Variants in MAP3K9 observed in about 807,000 individuals in gnomAD.
MAP3K9 encodes the protein mitogen-activated protein kinase kinase kinase 9, also known as mixed lineage kinase 1 (tyr and ser/thr specificity).
MAP3K9 carries 46 observed loss-of-function variants against 95.8 expected under a neutral mutation model. The ratio of observed to expected loss-of-function variants is 0.48; its 90% CI spans 0.38 to 0.61. The LOEUF is 0.61. MAP3K9 is among the 20% of genes least tolerant of loss of function. MAP3K9 has a pLI of 0.00. For synonymous variants in MAP3K9, 533 were observed against 593.8 expected (o/e 0.90, Z 1.49); for missense variants, 1,296 against 1,474.3 (o/e 0.88, Z 1.98).
At chr14:70,759,289 A>G (rs911931301) in intron 3 of MAP3K9, among the ~76,000 whole-genome samples, 6 of 152,110 alleles carry the variant, frequency 3.9e-5, no homozygotes, top group African/African-American at 1.4e-4. Context: ...TACTAAAAAT[A>G]TAAAAATTAG....
chr14:70,762,149 T>C (rs1424803465), intron 2 of MAP3K9, among the ~76,000 whole-genome samples: 1 of 152,230 alleles, frequency 6.6e-6, no homozygotes, highest in African/African-American at 2.4e-5. Context: ...TTTTGTCCAC[T>C]GATAGACACA....
In MAP3K9 at chr14:70,730,783, G is replaced by T. The variant is rs913263535; in HGVS notation, c.2912C>A (p.Thr971Asn). The T allele has an allele frequency of 3.7e-6, 6 of 1,613,714 alleles. No homozygotes were observed. The highest frequency in any genetic ancestry group is 1.1e-5 in the South Asian group (1 of 91,062). ...LPDPNVVFPP[T>N]PRRWNTQQDS... ...CTGCTGAGTGTTCCAGCGCCTTGGG[G>T]TTGGGGGGAAGACCACATTGGGGTC... Residue 971 changes from threonine to asparagine, a missense_variant, in exon 12 of 12, where the codon ACC (threonine) becomes AAC (asparagine). Coordinates refer to ENST00000554752, the MANE Select transcript of MAP3K9 (RefSeq NM_001284230.2).
chr14:70,787,113 AT>A (rs1187942627), intron 2 of MAP3K9, among the ~76,000 whole-genome samples: 1 of 151,024 alleles, frequency 6.6e-6, no homozygotes, highest in African/African-American at 2.4e-5. Context: ...TAGCATAACT[AT>A]TTTTTTTTCC....
intron 2 of MAP3K9, among the ~76,000 whole-genome samples, chr14:70,779,908 ATG>A (rs766823861): frequency 3.3e-5 from 5 of 152,236 alleles, no homozygotes; most frequent in Non-Finnish European, 7.4e-5. Flanking sequence ...AACTCAGGGA[ATG>A]GCACAACCTA....
intron 2 of MAP3K9, among the ~76,000 whole-genome samples, chr14:70,792,216 C>G (rs992553026): frequency 6.6e-6 from 1 of 152,230 alleles, no homozygotes; most frequent in African/African-American, 2.4e-5. Context: ...TCTGGCATAG[C>G]CTCCTGCAAC....
At chr14:70,791,671 C>G (rs1426928573) in intron 2 of MAP3K9, among the ~76,000 whole-genome samples, 1 of 152,234 alleles carries the variant, frequency 6.6e-6, no homozygotes, top group Non-Finnish European at 1.5e-5. Flanking sequence ...TCTTGCCTCT[C>G]TCAGATCACG....
chr14:70,805,659 C>T (rs1423622674), intron 1 of MAP3K9, among the ~76,000 whole-genome samples: 1 of 152,178 alleles, frequency 6.6e-6, no homozygotes, highest in African/African-American at 2.4e-5. Context: ...TGGCTTATGC[C>T]TATAATCCCA....
chr14:70,722,928 G>C lies in MAP3K9; in HGVS notation c.*7452C>G, dbSNP rs1303074208. On this transcript the variant is annotated 3_prime_UTR_variant, in exon 12 of 12. Coordinates refer to ENST00000554752, the MANE Select transcript of MAP3K9 (RefSeq NM_001284230.2). ...CTTCACCTAGACTTAAAAGCCCTAA[G>C]GGGGAGGAAAAATCCCAAAGAAAGC... The C allele has an allele frequency of 6.6e-6, 1 of 152,176 alleles. No individual in the cohort carries two copies. The highest frequency in any genetic ancestry group is 2.1e-4 in the South Asian group (1 of 4,826). The allele number at this position is 152,176 out of a possible 1,614,324, so 9.4% of individuals were successfully genotyped here.
rs749614315 is a variant in MAP3K9, at chr14:70,730,418, G to C, written c.3277C>G (p.Pro1093Ala). 76 of 1,613,950 alleles carry C rather than the reference G, an allele frequency of 4.7e-5. No individual in the cohort carries two copies. The highest frequency in any genetic ancestry group is 1.9e-4 in the South Asian group (17 of 91,078). Reference sequence around the variant, plus strand: ...TCCTGCTGGATCTCATAAGGGGCAGGCCTGTGTGTGTTCAGTTCCGCTCTG... The same window carrying C: ...TCCTGCTGGATCTCATAAGGGGCAGCCCTGTGTGTGTTCAGTTCCGCTCTG... Reference protein sequence around the residue: ...LCRAELNTHRPAPYEIQQEFW... With the variant: ...LCRAELNTHRAAPYEIQQEFW... Residue 1093 changes from proline (P) to alanine (A), a missense_variant, in exon 12 of 12, where the codon CCT becomes GCT. Transcript: ENST00000554752.
intron 2 of MAP3K9, among the ~76,000 whole-genome samples, chr14:70,784,849 G>C (rs1429582841): frequency 1.3e-5 from 2 of 152,168 alleles, no homozygotes; most frequent in South Asian, 4.1e-4. Flanking sequence ...ATCAGGTCTG[G>C]AGGTACCAGA....
intron 3 of MAP3K9, among the ~76,000 whole-genome samples, chr14:70,751,857 A>C (rs1394093096): frequency 6.6e-6 from 1 of 152,222 alleles, no homozygotes. Context: ...TTTGCACACA[A>C]GGAAAGCAAG....
rs1025014299 is a variant in MAP3K9, at chr14:70,722,566, G to A, written c.*7814C>T. 3 of 152,090 alleles carry A rather than the reference G, an allele frequency of 2.0e-5. No homozygotes were observed. The highest frequency in any genetic ancestry group is 7.2e-5 in the African/African-American group (3 of 41,404). The allele number at this position is 152,090 out of a possible 1,614,324, so 9.4% of individuals were successfully genotyped here. A position where few individuals can be genotyped will look rare whatever the true frequency, so the allele number is the denominator to read the frequency against. ...TTTTATTCAAGTCTCTGTGTGCTCT[G>A]GCATTGAGACCAGGCTGAGATCAGC... On this transcript the variant is annotated 3_prime_UTR_variant, in exon 12 of 12. Coordinates refer to ENST00000554752, the MANE Select transcript of MAP3K9 (RefSeq NM_001284230.2).
At chr14:70,789,127 G>A (rs2054779502) in intron 2 of MAP3K9, among the ~76,000 whole-genome samples, 1 of 152,236 alleles carries the variant, frequency 6.6e-6, no homozygotes, top group African/African-American at 2.4e-5. Context: ...GGACGAGGCT[G>A]CATTTTTCAG....
At chr14:70,780,814 T>G (rs2054665386) in intron 2 of MAP3K9, among the ~76,000 whole-genome samples, 1 of 152,336 alleles carries the variant, frequency 6.6e-6, no homozygotes, top group South Asian at 2.1e-4. Context: ...GTCATACCTC[T>G]GAAGTACCCA....
chr14:70,788,126 G>A (rs912164451), intron 2 of MAP3K9, among the ~76,000 whole-genome samples: 1 of 152,116 alleles, frequency 6.6e-6, no homozygotes, highest in Non-Finnish European at 1.5e-5. Context: ...TCTTTTTCTG[G>A]AGACAGACTT....
In MAP3K9 at chr14:70,732,935, A is replaced by T. The variant is rs2053930438; in HGVS notation, c.2434T>A (p.Ser812Thr). ...SRPRRSTSPPSRKLFKKEEPM... is the reference protein window; with the variant it reads ...SRPRRSTSPPTRKLFKKEEPM... ...TCCTCCTTCTTGAAAAGCTTTCGGGATGGGGGGCTGGTGCTCCGACGAGGA... is the reference window on the plus strand; with the variant it reads ...TCCTCCTTCTTGAAAAGCTTTCGGGTTGGGGGGCTGGTGCTCCGACGAGGA... The change falls in exon 11 of 12, where the codon TCC becomes ACC. Residue 812 changes from serine to threonine, a missense_variant. This residue lies in a region of MAP3K9 where 433 missense variants were observed against 441.4 expected (regional missense o/e 0.98). Transcript: ENST00000554752. The T allele has an allele frequency of 6.2e-7, 1 of 1,613,814 alleles. No individual in the cohort carries two copies. Among genetic ancestry groups the T allele is most frequent in the Admixed American group, 1.7e-5 (1 of 59,986 alleles).
intron 10 of MAP3K9, among the ~76,000 whole-genome samples, chr14:70,734,055 G>T (rs1253666945): frequency 6.6e-6 from 1 of 152,170 alleles, no homozygotes; most frequent in African/African-American, 2.4e-5. Context: ...GTCTTCCCTG[G>T]GAGCCATACT....
chr14:70,776,452 AGT>A (rs1394879222), intron 2 of MAP3K9, among the ~76,000 whole-genome samples: 3 of 152,210 alleles, frequency 2.0e-5, no homozygotes, highest in Non-Finnish European at 4.4e-5. Context: ...TGCTTTGAGT[AGT>A]ACAGGCTGGA....
At chr14:70,770,243 T>C (rs2054512734) in intron 2 of MAP3K9, among the ~76,000 whole-genome samples, 1 of 152,178 alleles carries the variant, frequency 6.6e-6, no homozygotes, top group African/African-American at 2.4e-5. Flanking sequence ...TGCAATGGCA[T>C]AATCTTGGCT....
Sources: gnomAD v4.1 joint callset for allele counts (sites outside exome capture counted in the v4.1 genomes callset) on GRCh38, gnomAD v4.1.1 for gene constraint, gnomAD v4.1.1 regional missense constraint, MANE v1.5 for transcripts, NCBI Gene and HGNC (gene_info 2026-07-23, HGNC 2026-07-21) for gene names.